The following TBC1D28 variants were observed in gnomAD, a reference collection of about 807,000 sequenced individuals.
TBC1D28 encodes the protein TBC1 domain family member 28.
A neutral mutation model predicts 29.2 loss-of-function variants in TBC1D28; 20 were observed. The ratio of observed to expected loss-of-function variants is 0.68; its 90% CI spans 0.48 to 0.99. TBC1D28 has a LOEUF of 0.99. Among genes scored for constraint, TBC1D28 ranks in the 50% least tolerant of loss-of-function variants. The pLI is 0.00. For synonymous variants in TBC1D28, 65 were observed against 90.9 expected, an observed-to-expected ratio of 0.71 and a Z score of 1.62; for missense variants, 205 against 243.7, an observed-to-expected ratio of 0.84 and a Z score of 1.06.
At chr17:18,638,593 C>G in intron 6 of TBC1D28, 28 bp downstream of exon 7, 1 of 1,614,172 alleles carries the variant, frequency 6.2e-7, no homozygotes, top group South Asian at 1.1e-5. Flanking sequence ...AGAGAGCAGT[C>G]ACGGGGGCCG....
chr17:18,638,531 T>C (rs1661737968), intron 6 of TBC1D28, 90 bp downstream of exon 7: 2 of 1,349,656 alleles, frequency 1.5e-6, no homozygotes, highest in Non-Finnish European at 2.0e-6. Context: ...ACCCACCCAC[T>C]GAGAGGCACC....
exon 9 of TBC1D28, chr17:18,635,796 T>G (rs2031469172): frequency 1.0e-6 from 1 of 985,872 alleles, no homozygotes; most frequent in Non-Finnish European, 1.2e-6. Context: ...AATCAAGGCA[T>G]GAAGTAATCC....
chr17:18,637,236 G>T (rs2649498), intron 8 of TBC1D28, among the ~76,000 whole-genome samples: 14,074 of 54,390 alleles, frequency 0.26, 2,791 homozygotes, highest in East Asian at 0.82. Context: ...CCTTCCTCCC[G>T]AGTTCCCATG....
intron 7 of TBC1D28, 157 bp from the exon 9 acceptor site, chr17:18,638,130 A>G (rs1243190861): frequency 1.8e-5 from 25 of 1,382,940 alleles, no homozygotes; most frequent in South Asian, 3.9e-5. Context: ...TTCTGACGCC[A>G]GGGAGGGTCA....
downstream of TBC1D28, chr17:18,634,858 G>GCCGCCTCAGCCCCTCAGCC (rs2031413112): frequency 1.9e-5 from 2 of 105,100 alleles, no homozygotes; most frequent in Non-Finnish European, 2.0e-5. Context: ...CCCCTCAGCC[G>GCCGCCTCAGCCCCTCAGCC]CCTCAGCCGC....
intron 6 of TBC1D28, 94 bp from the exon 8 acceptor site, chr17:18,638,514 G>A: frequency 4.6e-6 from 7 of 1,510,136 alleles, no homozygotes; most frequent in Non-Finnish European, 6.3e-6. Flanking sequence ...GGCAAGGATG[G>A]GGTACCACCC....
intron 4 of TBC1D28, among the ~76,000 whole-genome samples, chr17:18,640,201 G>A (rs1392927280): frequency 1.3e-5 from 2 of 151,906 alleles, no homozygotes; most frequent in Admixed American, 6.6e-5. Context: ...GCAGAGCCTT[G>A]GGGACTGACC....
rs1415758514 is a variant in TBC1D28 at position 18,640,431 on chromosome 17, A to G, written c.158+591T>C. Among the ~76,000 whole-genome samples, 4 of 148,862 alleles carry G rather than the reference A, an allele frequency of 2.7e-5. No homozygotes were observed. The South Asian group carries it at 8.7e-4, about 32-fold the overall frequency. On this transcript the variant is annotated intron_variant, in intron 4 of 8. Coordinates refer to ENST00000345096, the Ensembl canonical transcript of TBC1D28. Reference sequence around the variant, plus strand: ...GGCTTCAGGCTGGGCTCCCATTACCAGGCCCAGGTCCCTTCCCTGCACCAC... The same window carrying G: ...GGCTTCAGGCTGGGCTCCCATTACCGGGCCCAGGTCCCTTCCCTGCACCAC...
chr17:18,640,873 C>T (rs74478608), intron 4 of TBC1D28, 149 bp downstream of exon 5: 152,983 of 334,306 alleles, frequency 0.46, 38,767 homozygotes, highest in East Asian at 0.91. Flanking sequence ...CAGGCTGGAC[C>T]GACAGGAGAG....
rs2031790378 is a variant in TBC1D28 at position 18,642,005 on chromosome 17, C to G, written c.-281G>C. ...AGGAGGGGACTTTGTTTTCCTGGGTCACCAAGAAAGAACAAGAGAACGCTG... is the reference window on the plus strand; with the variant it reads ...AGGAGGGGACTTTGTTTTCCTGGGTGACCAAGAAAGAACAAGAGAACGCTG... On this transcript the variant is annotated 5_prime_UTR_variant, in exon 1 of 9. Transcript: ENST00000345096. The G allele has an allele frequency of 6.0e-6, 1 of 165,834 alleles. No individual in the cohort carries two copies. The highest frequency in any genetic ancestry group is 1.3e-5 in the Non-Finnish European group (1 of 75,894). The allele number at this position is 165,834 out of a possible 1,614,324, so 10.3% of individuals were successfully genotyped here.
At chr17:18,637,804 C>A (rs1175505380) in intron 8 of TBC1D28, 60 bp downstream of exon 9, 27 of 1,612,292 alleles carry the variant, frequency 1.7e-5, no homozygotes, top group Admixed American at 1.3e-4. Context: ...CTGGGGACAA[C>A]CTCATTCCTC....
At chr17:18,636,703 C>T in intron 8 of TBC1D28, 106 bp from the exon 10 acceptor site, 1 of 1,396,056 alleles carries the variant, frequency 7.2e-7, no homozygotes, top group Non-Finnish European at 9.8e-7. Context: ...TCAGATGATC[C>T]CCCCAAATAA....
At chr17:18,643,878 C>T (rs963285241), upstream of TBC1D28, among the ~76,000 whole-genome samples, 1 of 152,252 alleles carries the variant, frequency 6.6e-6, no homozygotes, top group Non-Finnish European at 1.5e-5. Flanking sequence ...GCTTAGGGCA[C>T]AGACTTGGAC....
At chr17:18,634,651 A>G (rs1442583204), downstream of TBC1D28, among the ~76,000 whole-genome samples, 2 of 152,252 alleles carry the variant, frequency 1.3e-5, no homozygotes, top group African/African-American at 2.4e-5. Flanking sequence ...ATGCAAAAAC[A>G]GAGACAGAGT....
intron 5 of TBC1D28, 142 bp from the exon 7 acceptor site, chr17:18,638,843 C>A: frequency 9.4e-7 from 1 of 1,061,676 alleles, no homozygotes; most frequent in Non-Finnish European, 1.4e-6. Context: ...GGCTGAGACC[C>A]TCTGAAGGAA....
chr17:18,634,290 CT>C (rs71355566), downstream of TBC1D28, among the ~76,000 whole-genome samples: 110,902 of 151,804 alleles, frequency 0.73, 41,625 homozygotes, highest in East Asian at 0.95. Context: ...CATGTTAACT[CT>C]TAAGTTGGAA....
intron 5 of TBC1D28, 33 bp from the exon 7 acceptor site, chr17:18,638,734 C>T: frequency 2.5e-6 from 4 of 1,613,962 alleles, no homozygotes; most frequent in Non-Finnish European, 3.4e-6. Context: ...GTTAGCGGAG[C>T]TGTCAGTCGT....
chr17:18,642,155 C>T (rs2031801768), exon 1 of TBC1D28: 1 of 152,406 alleles, frequency 6.6e-6, no homozygotes, highest in Non-Finnish European at 1.5e-5. Context: ...GTTCCAGTCC[C>T]CAAGCCTCTT....
At chr17:18,638,627 G>A in exon 6 of TBC1D28, 2 of 1,614,200 alleles carry the variant, frequency 1.2e-6, no homozygotes, top group Non-Finnish European at 1.7e-6. Context: ...TTACCTTCTT[G>A]GTGCTCCTAT....
Sources: gnomAD v4.1 joint callset for allele counts (sites outside exome capture counted in the v4.1 genomes callset) on GRCh38, gnomAD v4.1.1 for gene constraint, MANE v1.5 for transcripts, NCBI Gene and HGNC (gene_info 2026-07-23, HGNC 2026-07-21) for gene names.